Variants in MCM10 observed in about 807,000 individuals in gnomAD.
The protein encoded by MCM10 is minichromosome maintenance 10 replication initiation factor.
Under a neutral mutation model 109.9 loss-of-function variants are expected in MCM10, and 91 were observed. That is an observed-to-expected ratio of 0.83 (90% confidence interval 0.70 to 0.99). The LOEUF is 0.99. Ranked by LOEUF, MCM10 falls within the 50% of genes least tolerant of loss-of-function variation. The pLI is 0.00. For missense variants in MCM10, 1,077 were observed against 1,061.2 expected, an observed-to-expected ratio of 1.01 and a Z score of -0.21; for synonymous variants, 380 against 387.2, an observed-to-expected ratio of 0.98 and a Z score of 0.22.
rs577706284 is a variant in MCM10, at chr10:13,196,407, C to G, written c.1974+1138C>G. 2.0e-4 allele frequency among the ~76,000 whole-genome samples: 31 copies of G among 152,262 alleles called. No homozygotes were observed. The South Asian group carries it at 6.4e-3, about 32-fold the overall frequency. ...AGCTTGCTGTATGCCAAAACCTTAC[C>G]TATAATAATAACAACAGGAATACCT... On this transcript the variant is annotated intron_variant, in intron 14 of 19. Coordinates refer to ENST00000378714, the MANE Select transcript of MCM10 (RefSeq NM_018518.5).
chr10:13,196,959 C>G (rs1385688798), intron 14 of MCM10, among the ~76,000 whole-genome samples: 1 of 152,208 alleles, frequency 6.6e-6, no homozygotes, highest in East Asian at 1.9e-4. Context: ...GGGTCTCACT[C>G]TGTCTCCCAG....
rs1165321039 is a variant in MCM10, at chr10:13,204,994, GTATGTATGTATATATATATATATATA to G, written c.2498+634_2498+659del. Among the ~76,000 whole-genome samples, 177 of 123,374 alleles carry G rather than the reference GTATGTATGTATATATATATATATATA, an allele frequency of 1.4e-3. 1 individual carries two copies. Among genetic ancestry groups the G allele is most frequent in the African/African-American group, 5.9e-3 (149 of 25,326 alleles). The allele number at this position is 123,374 out of a possible 152,430, so 80.9% of individuals were successfully genotyped here. A position where few individuals can be genotyped will look rare whatever the true frequency, so the allele number is the denominator to read the frequency against. ...TTTATTGTGCTTCTCATGTATGTAT[GTATGTATGTATATATATATATATATA>G]TATATATATATATATATATATATAT... On this transcript the variant is annotated intron_variant, in intron 18 of 19. Transcript: ENST00000378714.
At chr10:13,162,288 A>G (rs1833936979) in intron 1 of MCM10, among the ~76,000 whole-genome samples, 1 of 152,154 alleles carries the variant, frequency 6.6e-6, no homozygotes. Flanking sequence ...TTGGAAAGAG[A>G]GAGAGAATAT....
intron 16 of MCM10, among the ~76,000 whole-genome samples, chr10:13,199,642 C>G (rs1237516572): frequency 2.6e-5 from 4 of 151,958 alleles, no homozygotes; most frequent in Non-Finnish European, 5.9e-5. Flanking sequence ...TATCCTAATG[C>G]AAATAAGAAA....
In MCM10 at chr10:13,204,990, GTATGTATGTATGTATA is replaced by G. The variant is rs1343561301; in HGVS notation, c.2498+630_2498+645del. 1.2e-3 allele frequency among the ~76,000 whole-genome samples: 148 copies of G among 118,678 alleles called. 3 individuals carry two copies. Among genetic ancestry groups the G allele is most frequent in the Non-Finnish European group, 1.6e-3 (97 of 61,818 alleles). The allele number at this position is 118,678 out of a possible 152,430, so 77.9% of individuals were successfully genotyped here. On this transcript the variant is annotated intron_variant, in intron 18 of 19. Transcript: ENST00000378714. ...ATTTTTTATTGTGCTTCTCATGTAT[GTATGTATGTATGTATA>G]TATATATATATATATATATATATAT...
intron 18 of MCM10, among the ~76,000 whole-genome samples, chr10:13,207,598 A>T (rs1013230615): frequency 6.6e-6 from 1 of 152,264 alleles, no homozygotes; most frequent in South Asian, 2.1e-4. Flanking sequence ...GAGGTAATTG[A>T]ATCATGGGGC....
chr10:13,203,574 T>C (rs1000774374), intron 17 of MCM10, among the ~76,000 whole-genome samples: 5 of 152,322 alleles, frequency 3.3e-5, no homozygotes, highest in African/African-American at 9.6e-5. Flanking sequence ...CTCTGCACTT[T>C]CTGAGGTTGT....
intron 15 of MCM10, 73 bp downstream of exon 15, chr10:13,197,840 A>G: frequency 2.7e-6 from 4 of 1,480,330 alleles, no homozygotes; most frequent in Non-Finnish European, 3.7e-6. Flanking sequence ...AACCCAAACC[A>G]GCACCCAGAT....
intron 15 of MCM10, among the ~76,000 whole-genome samples, chr10:13,198,373 C>G (rs1187010149): frequency 6.6e-6 from 1 of 152,126 alleles, no homozygotes; most frequent in Non-Finnish European, 1.5e-5. Context: ...TTTTAAAACT[C>G]TGAAGTTGGC....
chr10:13,165,522 C>A (rs1278090560), intron 2 of MCM10, among the ~76,000 whole-genome samples: 2 of 152,104 alleles, frequency 1.3e-5, no homozygotes, highest in African/African-American at 4.8e-5. Context: ...GAATGGATAC[C>A]TGTTCTCTAA....
At chr10:13,184,282 C>T (rs11258236) in intron 8 of MCM10, among the ~76,000 whole-genome samples, 22,823 of 152,108 alleles carry the variant, frequency 0.15, 2,062 homozygotes, top group South Asian at 0.2. Context: ...TGTGAGCCAC[C>T]GTGCCCAGCA....
At chr10:13,196,188 G>C (rs1017862101) in intron 14 of MCM10, among the ~76,000 whole-genome samples, 2 of 152,086 alleles carry the variant, frequency 1.3e-5, no homozygotes, top group Non-Finnish European at 2.9e-5. Flanking sequence ...CTACAGGCAT[G>C]AGCCACTGTG....
chr10:13,198,707 C>T lies in MCM10; in HGVS notation c.2138C>T (p.Pro713Leu). ...FSSQAEDELE[P>L]ARKKRREQLA... ...GCCCTAGCTGAGGATGAATTGGAGC[C>T]TGCCAGGAAAAAAAGGAGAGAACAA... The change falls in exon 16 of 20, where the codon CCT becomes CTT. Residue 713 changes from proline (P) to leucine (L), a missense_variant. Transcript: ENST00000378714. 6.2e-7 allele frequency: 1 copy of T among 1,612,884 alleles called. No individual in the cohort carries two copies. Among genetic ancestry groups the T allele is most frequent in the African/African-American group, 1.3e-5 (1 of 74,918 alleles).
At chr10:13,194,636 T>C (rs760335759) in intron 13 of MCM10, among the ~76,000 whole-genome samples, 86 of 152,186 alleles carry the variant, frequency 5.7e-4, no homozygotes, top group Non-Finnish European at 1.2e-3. Flanking sequence ...TCACATGTAT[T>C]GTCTCTTCCC....
At chr10:13,175,157 T>C (rs1036700785) in intron 5 of MCM10, among the ~76,000 whole-genome samples, 7 of 150,492 alleles carry the variant, frequency 4.7e-5, no homozygotes, top group African/African-American at 1.7e-4. Context: ...ACTGTGTGCG[T>C]GTGCAATGTC....
At chr10:13,181,930 C>T (rs1383049898) in intron 7 of MCM10, among the ~76,000 whole-genome samples, 2 of 152,174 alleles carry the variant, frequency 1.3e-5, no homozygotes, top group African/African-American at 4.8e-5. Context: ...CATAACCATC[C>T]CCAGCCCGGG....
At chr10:13,179,571 C>G (rs949215820) in intron 6 of MCM10, among the ~76,000 whole-genome samples, 11 of 152,192 alleles carry the variant, frequency 7.2e-5, no homozygotes, top group Non-Finnish European at 1.6e-4. Flanking sequence ...CCATGTTTTT[C>G]TCTTAGTGTC....
Position 13,206,675 on chromosome 10 carries a change from A to G in MCM10, c.2498+2311A>G, listed in dbSNP as rs1834585484. On this transcript the variant is annotated intron_variant, in intron 18 of 19. Coordinates refer to ENST00000378714, the MANE Select transcript of MCM10 (RefSeq NM_018518.5). Reference sequence around the variant, plus strand: ...AGCAAGAGCTTATGGAAAACGTTAGAAAAATTAAAAAAAATTCTGTTTATT... The same window carrying G: ...AGCAAGAGCTTATGGAAAACGTTAGGAAAATTAAAAAAAATTCTGTTTATT... Among the ~76,000 whole-genome samples, 3 of 152,232 alleles carry G rather than the reference A, an allele frequency of 2.0e-5. No individual in the cohort carries two copies. In the South Asian group the frequency reaches 6.2e-4, roughly 32 times the overall value.
chr10:13,191,312 G>T lies in MCM10; in HGVS notation c.1429G>T (p.Ala477Ser). The T allele has an allele frequency of 6.2e-7, 1 of 1,613,646 alleles. No individual in the cohort carries two copies. The highest frequency in any genetic ancestry group is 8.5e-7 in the Non-Finnish European group (1 of 1,179,578). The change falls in exon 11 of 20, where the codon GCT (alanine) becomes TCT (serine). Residue 477 changes from alanine (A) to serine (S), a missense_variant. Ala to Ser is a moderately conservative substitution (Grantham distance 99). Transcript: ENST00000378714. ...SYAASIAAAV[A>S]PKKKIQTTLS... The stretch of plus-strand genomic sequence containing the variant: ...TTGTCATTTCAGTGCAGCAGCTGTG[G>T]CTCCTAAGAAGAAGATTCAAACCAC...
Sources: gnomAD v4.1 joint callset for allele counts (sites outside exome capture counted in the v4.1 genomes callset) on GRCh38, gnomAD v4.1.1 for gene constraint, MANE v1.5 for transcripts, NCBI Gene and HGNC (gene_info 2026-07-23, HGNC 2026-07-21) for gene names.